The following HRH1 variants were observed in gnomAD, a reference collection of about 807,000 sequenced individuals.
HRH1 encodes histamine H1 receptor.
In HRH1, 6 loss-of-function variants were observed where a neutral mutation model predicts 10.3. That is an observed-to-expected ratio of 0.58 (90% CI 0.32 to 1.15). The LOEUF is 1.15. HRH1 is among the 50% of genes most tolerant of loss of function. The pLI, the probability that HRH1 is intolerant of heterozygous loss-of-function variation, is 0.05. For missense variants in HRH1, 514 were observed against 615.3 expected (o/e 0.84, Z 1.74); for synonymous variants, 242 against 236.7 (o/e 1.02, Z -0.21).
intron 1 of HRH1, among the ~76,000 whole-genome samples, chr3:11,190,363 A>T (rs190165326): frequency 0.1 from 14,451 of 142,154 alleles, 1,097 homozygotes; most frequent in Admixed American, 0.25. Context: ...ATATATATAT[A>T]TATTTTTTAA....
intron 1 of HRH1, among the ~76,000 whole-genome samples, chr3:11,197,506 A>G (rs1046569919): frequency 3.9e-5 from 6 of 152,176 alleles, no homozygotes; most frequent in Non-Finnish European, 8.8e-5. Flanking sequence ...CTTTGTTTTG[A>G]ACAAAAGGTA....
chr3:11,256,504 A>G (rs1939786904), intron 1 of HRH1, among the ~76,000 whole-genome samples: 2 of 152,154 alleles, frequency 1.3e-5, no homozygotes, highest in Non-Finnish European at 2.9e-5. Flanking sequence ...AGTTATATAA[A>G]TTTAGCCTTC....
At chr3:11,224,699 C>CAAA (rs60472027) in intron 1 of HRH1, among the ~76,000 whole-genome samples, 1 of 100,536 alleles carries the variant, frequency 9.9e-6, no homozygotes. Context: ...GACTCCATCT[C>CAAA]AAAAAAAAAA....
At chr3:11,255,245 C>T (rs1939754951) in intron 1 of HRH1, among the ~76,000 whole-genome samples, 1 of 151,972 alleles carries the variant, frequency 6.6e-6, no homozygotes, top group Non-Finnish European at 1.5e-5. Flanking sequence ...AACTCCGTCT[C>T]AAATTAAAAT....
chr3:11,207,336 G>A (rs1029011296), intron 1 of HRH1, among the ~76,000 whole-genome samples: 18 of 152,074 alleles, frequency 1.2e-4, no homozygotes, highest in Non-Finnish European at 2.1e-4. Context: ...AGGCCAAGGC[G>A]GGTGGATCAC....
At chr3:11,255,487 C>G (rs552872512) in intron 1 of HRH1, among the ~76,000 whole-genome samples, 1 of 152,130 alleles carries the variant, frequency 6.6e-6, no homozygotes, top group South Asian at 2.1e-4. Flanking sequence ...GCCTTATGAA[C>G]CCCGAAAATC....
chr3:11,144,750 C>T (rs1366181247), intron 1 of HRH1, among the ~76,000 whole-genome samples: 1 of 151,792 alleles, frequency 6.6e-6, no homozygotes, highest in Non-Finnish European at 1.5e-5. Flanking sequence ...TCTGGCCAAC[C>T]ACGACAACAC....
intron 1 of HRH1, among the ~76,000 whole-genome samples, chr3:11,205,005 C>T (rs915907116): frequency 1.7e-4 from 26 of 152,180 alleles, no homozygotes; most frequent in African/African-American, 5.8e-4. Context: ...GAGAGAGAAA[C>T]GTGGGGTCTG....
chr3:11,151,503 GGGC>G (rs1181818489), upstream of HRH1, among the ~76,000 whole-genome samples: 2 of 134,682 alleles, frequency 1.5e-5, no homozygotes, highest in Non-Finnish European at 1.5e-5. Flanking sequence ...TTTTTTGGGG[GGGC>G]GGTGGTGGTG....
At chr3:11,177,717 C>A (rs1264123034) in intron 1 of HRH1, among the ~76,000 whole-genome samples, 1 of 152,202 alleles carries the variant, frequency 6.6e-6, no homozygotes, top group African/African-American at 2.4e-5. Context: ...CCTAGTACAT[C>A]CCAGGCATTA....
At position 11,239,294 on chromosome 3, in the gene HRH1, A is replaced by T. The variant is rs182340335; in HGVS notation, c.-35-19709A>T. Among the ~76,000 whole-genome samples, 3 of 152,220 alleles carry T rather than the reference A, an allele frequency of 2.0e-5. No homozygotes were observed. In the East Asian group the frequency reaches 5.8e-4, roughly 29 times the overall value. ...TTGAACATCCTTTCATGTGCTTTTG[A>T]GCCATTCCTCTATCTTATTTGGTGA... On this transcript the variant is annotated intron_variant, in intron 1 of 1. Transcript: ENST00000431010.
intron 1 of HRH1, among the ~76,000 whole-genome samples, chr3:11,238,968 A>G (rs1939261571): frequency 6.6e-6 from 1 of 152,234 alleles, no homozygotes. Context: ...GAATAATGCT[A>G]TGAGTATCTG....
At chr3:11,221,719 A>C (rs1938716308) in intron 1 of HRH1, among the ~76,000 whole-genome samples, 1 of 152,038 alleles carries the variant, frequency 6.6e-6, no homozygotes, top group Non-Finnish European at 1.5e-5. Flanking sequence ...GCAAAACTGA[A>C]ATTCTGTACC....
intron 1 of HRH1, among the ~76,000 whole-genome samples, chr3:11,206,981 A>G (rs1938155208): frequency 6.6e-6 from 1 of 152,032 alleles, no homozygotes; most frequent in Admixed American, 6.6e-5. Flanking sequence ...GGAGTCAAGG[A>G]AGGAGGGATT....
chr3:11,233,624 T>A (rs1185350844), intron 1 of HRH1, among the ~76,000 whole-genome samples: 2 of 152,098 alleles, frequency 1.3e-5, no homozygotes, highest in African/African-American at 4.8e-5. Flanking sequence ...GCCTCTCCCT[T>A]CACTTAGAAA....
intron 1 of HRH1, among the ~76,000 whole-genome samples, chr3:11,216,242 C>T (rs531535541): frequency 2.0e-5 from 3 of 152,250 alleles, no homozygotes; most frequent in South Asian, 4.1e-4. Flanking sequence ...CATAGAATTA[C>T]CATGCCACCC....
chr3:11,243,762 ACTT>A (rs941354014), intron 1 of HRH1, among the ~76,000 whole-genome samples: 60 of 151,990 alleles, frequency 3.9e-4, no homozygotes, highest in Non-Finnish European at 7.5e-4. Flanking sequence ...CTTGCATATC[ACTT>A]CTTCTCTGAT....
chr3:11,169,716 C>G (rs1321649432), intron 1 of HRH1, among the ~76,000 whole-genome samples: 1 of 152,194 alleles, frequency 6.6e-6, no homozygotes, highest in Admixed American at 6.5e-5. Flanking sequence ...TTTGATAAAG[C>G]TCCCCATCCC....
intron 1 of HRH1, among the ~76,000 whole-genome samples, chr3:11,240,185 C>G (rs1394234565): frequency 2.6e-5 from 4 of 152,064 alleles, no homozygotes; most frequent in Non-Finnish European, 4.4e-5. Flanking sequence ...GTGTCCACTC[C>G]TGGGTCATTA....
Sources: allele counts gnomAD v4.1 joint callset (sites outside exome capture counted in the v4.1 genomes callset), GRCh38; gene constraint gnomAD v4.1.1; transcripts MANE v1.5; gene names NCBI Gene and HGNC (gene_info 2026-07-23, HGNC 2026-07-21).